Variants in PURG observed in about 807,000 individuals in gnomAD.
PURG encodes purine-rich element-binding protein gamma.
A neutral mutation model predicts 24.3 loss-of-function variants in PURG; 3 were observed. The ratio of observed to expected loss-of-function variants is 0.12; its 90% confidence interval spans 0.06 to 0.32. The LOEUF (loss-of-function observed/expected upper bound fraction) is 0.32. PURG is among the 10% of genes least tolerant of loss of function. The pLI, the probability that PURG is intolerant of heterozygous loss-of-function variation, is 1.00. For missense variants in PURG, 371 were observed against 439.1 expected (o/e 0.84, Z 1.39); for synonymous variants, 180 against 173.1 (o/e 1.04, Z -0.31).
chr8:31,013,226 C>CCA, intron 1 of PURG, among the ~76,000 whole-genome samples: 1 of 152,178 alleles, frequency 6.6e-6, no homozygotes, highest in Non-Finnish European at 1.5e-5. Flanking sequence ...ATCAACAAAC[C>CCA]AAATCACATA....
chr8:31,026,919 T>C (rs1022687148), downstream of PURG, among the ~76,000 whole-genome samples: 1 of 151,678 alleles, frequency 6.6e-6, no homozygotes. Context: ...ATATTATTTT[T>C]CTAAGCTCTA....
chr8:31,006,460 G>C (rs182360852), intron 1 of PURG, among the ~76,000 whole-genome samples: 2 of 152,142 alleles, frequency 1.3e-5, no homozygotes, highest in Non-Finnish European at 2.9e-5. Flanking sequence ...GAGGCGTGGT[G>C]GTGGGCGCCT....
Position 30,996,428 on chromosome 8 carries a change from T to C in PURG, c.*165A>G, listed in dbSNP as rs144665304. The C allele has an allele frequency of 1.0e-3, 504 of 492,322 alleles. 3 individuals are homozygous for C. In the East Asian group the frequency reaches 0.015, roughly 15 times the overall value. The allele number at this position is 492,322 out of a possible 1,614,324, so 30.5% of individuals were successfully genotyped here. A position where few individuals can be genotyped will look rare whatever the true frequency, so the allele number is the denominator to read the frequency against. On this transcript the variant is annotated 3_prime_UTR_variant, in exon 2 of 2. Coordinates refer to the PURG transcript ENST00000339382. ...AAAGGTACTTCAATGTGGTGGAAATTATTCAACATAAGATCAGTTTGGAAA... is the reference window on the plus strand; with the variant it reads ...AAAGGTACTTCAATGTGGTGGAAATCATTCAACATAAGATCAGTTTGGAAA...
intron 1 of PURG, among the ~76,000 whole-genome samples, chr8:31,006,866 C>T (rs1585355137): frequency 6.6e-6 from 1 of 152,180 alleles, no homozygotes; most frequent in Admixed American, 6.5e-5. Context: ...CTCAACATTA[C>T]ACATTCAATA....
intron 1 of PURG, among the ~76,000 whole-genome samples, chr8:31,004,598 C>T (rs528143610): frequency 3.9e-5 from 6 of 152,096 alleles, no homozygotes; most frequent in African/African-American, 1.4e-4. Context: ...ACCAGGGAGG[C>T]AGAGGTTGCA....
At chr8:31,015,543 G>A (rs1169928796) in intron 1 of PURG, among the ~76,000 whole-genome samples, 2 of 152,100 alleles carry the variant, frequency 1.3e-5, no homozygotes, top group South Asian at 2.1e-4. Context: ...AAGACCAGTC[G>A]CTTGGCTCTG....
intron 1 of PURG, among the ~76,000 whole-genome samples, chr8:31,000,324 CA>C (rs1469943307): frequency 6.6e-6 from 1 of 151,966 alleles, no homozygotes; most frequent in East Asian, 1.9e-4. Flanking sequence ...TCAAATTTGG[CA>C]AATCAGGGAT....
chr8:31,029,869 G>C (rs557687083), downstream of PURG, among the ~76,000 whole-genome samples: 21 of 151,952 alleles, frequency 1.4e-4, no homozygotes, highest in South Asian at 2.3e-3. Context: ...GCTACTTTTA[G>C]AGTCTCAACA....
chr8:31,024,080 T>C (rs1370710076), intron 1 of PURG, among the ~76,000 whole-genome samples: 1 of 152,058 alleles, frequency 6.6e-6, no homozygotes, highest in Non-Finnish European at 1.5e-5. Flanking sequence ...AAATTAAAGT[T>C]TAGGATAGTT....
intron 1 of PURG, among the ~76,000 whole-genome samples, chr8:31,001,543 T>G (rs910317593): frequency 2.6e-5 from 4 of 152,210 alleles, no homozygotes; most frequent in Non-Finnish European, 5.9e-5. Context: ...CCGTACTGTA[T>G]GCTCTTTGGG....
chr8:31,013,696 C>A (rs1220456550), intron 1 of PURG, among the ~76,000 whole-genome samples: 2 of 152,188 alleles, frequency 1.3e-5, no homozygotes, highest in Non-Finnish European at 2.9e-5. Context: ...GAGGTCGCGC[C>A]ACTGCACTCC....
At chr8:31,010,398 C>T (rs1396132817) in intron 1 of PURG, among the ~76,000 whole-genome samples, 1 of 152,128 alleles carries the variant, frequency 6.6e-6, no homozygotes, top group Non-Finnish European at 1.5e-5. Context: ...AGCTGGTGCA[C>T]AGACATGAGC....
At chr8:31,015,195 T>G (rs934706716) in intron 1 of PURG, among the ~76,000 whole-genome samples, 1 of 152,188 alleles carries the variant, frequency 6.6e-6, no homozygotes, top group African/African-American at 2.4e-5. Context: ...TCAATGGATA[T>G]AGCTTTTCAG....
chr8:31,027,995 A>G (rs924273139), downstream of PURG, among the ~76,000 whole-genome samples: 5 of 151,714 alleles, frequency 3.3e-5, no homozygotes, highest in African/African-American at 7.2e-5. Context: ...TCAGCTAACC[A>G]CACTTTTAAT....
intron 1 of PURG, among the ~76,000 whole-genome samples, chr8:31,007,085 C>T (rs1810667646): frequency 6.6e-6 from 1 of 152,112 alleles, no homozygotes; most frequent in South Asian, 2.1e-4. Flanking sequence ...CAATTAGTGA[C>T]ACTGAAGGAC....
intron 1 of PURG, among the ~76,000 whole-genome samples, chr8:31,000,124 T>G (rs1054723423): frequency 1.3e-5 from 2 of 152,160 alleles, no homozygotes; most frequent in East Asian, 3.8e-4. Context: ...CCTTAGCTGG[T>G]CATTCCTATA....
intron 1 of PURG, among the ~76,000 whole-genome samples, chr8:31,011,378 A>G (rs1810761343): frequency 6.6e-6 from 1 of 152,240 alleles, no homozygotes; most frequent in Admixed American, 6.5e-5. Flanking sequence ...ATGGCACATG[A>G]AATGAAACAG....
chr8:31,025,868 G>T (rs1471920389), downstream of PURG, among the ~76,000 whole-genome samples: 1 of 151,802 alleles, frequency 6.6e-6, no homozygotes, highest in Non-Finnish European at 1.5e-5. Flanking sequence ...AGCTGTACTT[G>T]TAACCTCACA....
intron 1 of PURG, among the ~76,000 whole-genome samples, chr8:31,016,362 A>G (rs2129811282): frequency 6.6e-6 from 1 of 152,084 alleles, no homozygotes; most frequent in East Asian, 1.9e-4. Flanking sequence ...CCTGGGCAAC[A>G]GAGTGAGACT....
Sources: gnomAD v4.1 joint callset for allele counts (sites outside exome capture counted in the v4.1 genomes callset) on GRCh38, gnomAD v4.1.1 for gene constraint, MANE v1.5 for transcripts, NCBI Gene and HGNC (gene_info 2026-07-23, HGNC 2026-07-21) for gene names.